The following ACSF3 variants were observed in gnomAD, a reference collection of about 807,000 sequenced individuals.
ACSF3 encodes the protein malonate--CoA ligase ACSF3, mitochondrial.
A neutral mutation model predicts 53.2 loss-of-function variants in ACSF3; 78 were observed. The observed-to-expected ratio is 1.47, with a 90% CI of 1.22 to 1.77. ACSF3 has a LOEUF of 1.77. Among genes scored for constraint, ACSF3 ranks in the 40% most tolerant of loss-of-function variants. The probability of loss-of-function intolerance (pLI) is 0.00; values close to 1 mark genes in which losing one functional copy is unlikely to be tolerated. For synonymous variants in ACSF3, 414 were observed against 333.1 expected (o/e 1.24, Z -2.65); for missense variants, 937 against 771.1 (o/e 1.22, Z -2.55).
intron 8 of ACSF3, among the ~76,000 whole-genome samples, chr16:89,143,183 T>C (rs1179254455): frequency 6.6e-6 from 1 of 152,188 alleles, no homozygotes; most frequent in Admixed American, 6.5e-5. Context: ...GTAACGGTGG[T>C]ACATCCTCAG....
At chr16:89,145,618 C>G (rs1912779242) in intron 9 of ACSF3, among the ~76,000 whole-genome samples, 1 of 152,242 alleles carries the variant, frequency 6.6e-6, no homozygotes, top group Admixed American at 6.5e-5. Context: ...CCCACCAGAG[C>G]TCCCAGGCCT....
At chr16:89,098,865 A>T (rs1974931723) in intron 2 of ACSF3, 102 bp downstream of exon 2, 4 of 443,638 alleles carry the variant, frequency 9.0e-6, no homozygotes, top group Non-Finnish European at 1.8e-5. Flanking sequence ...GCTGAGATGA[A>T]ACCTAACCTA....
At chr16:89,107,620 T>A (rs750989266) in intron 4 of ACSF3, among the ~76,000 whole-genome samples, 1 of 152,212 alleles carries the variant, frequency 6.6e-6, no homozygotes, top group Non-Finnish European at 1.5e-5. Context: ...TCCATTCTGC[T>A]CTTGAAGGAC....
intron 10 of ACSF3, chr16:89,151,843 G>C (rs1354285021): frequency 6.6e-6 from 1 of 152,258 alleles, no homozygotes; most frequent in Non-Finnish European, 1.5e-5. Flanking sequence ...CTGACTTCAA[G>C]TAATCCTCCC....
At chr16:89,101,684 T>C (rs2151411967) in intron 3 of ACSF3, among the ~76,000 whole-genome samples, 1 of 152,350 alleles carries the variant, frequency 6.6e-6, no homozygotes, top group South Asian at 2.1e-4. Context: ...TTAGGATGCG[T>C]GGTCAGGACC....
intron 1 of ACSF3, among the ~76,000 whole-genome samples, chr16:89,096,222 G>C (rs961091610): frequency 6.7e-5 from 7 of 104,658 alleles, no homozygotes; most frequent in Non-Finnish European, 2.2e-5. Context: ...TGCGTAGCAG[G>C]GGTATGAAGC....
At position 89,100,346 on chromosome 16, in the gene ACSF3, T is replaced by C. The variant is rs565716178; in HGVS notation, c.-20-316T>C. Reference sequence around the variant, plus strand: ...AGGATTCTAAAACCCATTATTCAGATGTACCTTAAGTGTGTTGAATTTTAT... The same window carrying C: ...AGGATTCTAAAACCCATTATTCAGACGTACCTTAAGTGTGTTGAATTTTAT... On this transcript the variant is annotated intron_variant, in intron 2 of 10. Transcript: ENST00000614302. 9.2e-5 allele frequency among the ~76,000 whole-genome samples: 14 copies of C among 152,360 alleles called. No homozygotes were observed. In the South Asian group the frequency reaches 2.3e-3, roughly 25 times the overall value.
At chr16:89,131,643 C>G (rs567179724) in intron 7 of ACSF3, among the ~76,000 whole-genome samples, 1 of 152,348 alleles carries the variant, frequency 6.6e-6, no homozygotes, top group East Asian at 1.9e-4. Context: ...GTTGGCTTAA[C>G]TCTACAAAGT....
intron 4 of ACSF3, among the ~76,000 whole-genome samples, chr16:89,104,826 C>G (rs947595654): frequency 2.0e-5 from 3 of 152,246 alleles, no homozygotes; most frequent in Non-Finnish European, 4.4e-5. Context: ...GAGGCAAGGT[C>G]TCACAAGAGA....
At chr16:89,115,611 G>A (rs931324873) in intron 6 of ACSF3, among the ~76,000 whole-genome samples, 20 of 152,376 alleles carry the variant, frequency 1.3e-4, no homozygotes, top group African/African-American at 3.8e-4. Context: ...CTGTGCGAAC[G>A]TGGTTTTTTA....
chr16:89,133,398 G>A, intron 8 of ACSF3, 136 bp downstream of exon 8: 1 of 1,230,320 alleles, frequency 8.1e-7, no homozygotes, highest in Non-Finnish European at 1.1e-6. Context: ...GTGGAGTGGG[G>A]CTGGGGGCCA....
rs116263971 is a variant in ACSF3 at position 89,132,141 on chromosome 16, A to G, written c.1240-995A>G. 4.6e-3 allele frequency among the ~76,000 whole-genome samples: 695 copies of G among 152,360 alleles called. 7 individuals are homozygous for G. Among genetic ancestry groups the G allele is most frequent in the African/African-American group, 0.016 (647 of 41,574 alleles). On this transcript the variant is annotated intron_variant, in intron 7 of 10. Transcript: ENST00000614302. ...GAGCGCCCTTTCTCCACATCAGATC[A>G]GTGTGTTCTGCTATTTCGCAGCTAC...
At chr16:89,123,136 G>A (rs1250850414) in intron 7 of ACSF3, among the ~76,000 whole-genome samples, 1 of 152,196 alleles carries the variant, frequency 6.6e-6, no homozygotes, top group Non-Finnish European at 1.5e-5. Context: ...GCAGCAGGTG[G>A]AGTACAGCTG....
rs73252022 is a variant in ACSF3 at position 89,101,807 on chromosome 16, C to T, written c.666+460C>T. On this transcript the variant is annotated intron_variant, in intron 3 of 10. Coordinates refer to ENST00000614302, the MANE Select transcript of ACSF3 (RefSeq NM_001243279.3). ...TGGCATTTGTACAGTGTCATAACGT[C>T]TCCTATGCACTTGAAGCAATCAAGT... 7.9e-3 allele frequency among the ~76,000 whole-genome samples: 1,206 copies of T among 152,352 alleles called. 21 individuals are homozygous for T. Among genetic ancestry groups the T allele is most frequent in the African/African-American group, 0.028 (1,152 of 41,566 alleles).
chr16:89,097,182 G>C (rs935121913), intron 1 of ACSF3, among the ~76,000 whole-genome samples: 1 of 152,090 alleles, frequency 6.6e-6, no homozygotes, highest in Admixed American at 6.5e-5. Flanking sequence ...TGTGCTCAGC[G>C]TGTGGTTACC....
rs778071871 is a variant in ACSF3 at position 89,155,365 on chromosome 16, C to T, written c.*1158C>T. 2.2e-6 allele frequency: 1 copy of T among 451,572 alleles called. No individual in the cohort carries two copies. Among genetic ancestry groups the T allele is most frequent in the South Asian group, 1.6e-5 (1 of 64,432 alleles). The allele number at this position is 451,572 out of a possible 1,614,324, so 28.0% of individuals were successfully genotyped here. On this transcript the variant is annotated 3_prime_UTR_variant, in exon 11 of 11. Transcript: ENST00000614302. Reference sequence around the variant, plus strand: ...CCATCTCAGGCTCACGTGCCTCTGACAGGAGACCAGCCCCATCTCAGGCTC... The same window carrying T: ...CCATCTCAGGCTCACGTGCCTCTGATAGGAGACCAGCCCCATCTCAGGCTC...
chr16:89,144,270 C>G (rs1052927155), intron 8 of ACSF3, among the ~76,000 whole-genome samples: 5 of 152,266 alleles, frequency 3.3e-5, no homozygotes, highest in Admixed American at 2.6e-4. Context: ...GCTTGGTTCC[C>G]ACAGGAGCTC....
intron 7 of ACSF3, among the ~76,000 whole-genome samples, chr16:89,131,503 A>AT (rs1399806078): frequency 4.6e-5 from 7 of 151,608 alleles, no homozygotes; most frequent in African/African-American, 1.5e-4. Flanking sequence ...ATGAGTTGCT[A>AT]TTTTTCTGGT....
intron 8 of ACSF3, among the ~76,000 whole-genome samples, chr16:89,135,687 G>C (rs542594665): frequency 6.6e-6 from 1 of 152,366 alleles, no homozygotes; most frequent in East Asian, 1.9e-4. Flanking sequence ...ACAGGAACCG[G>C]ACTTGAGCAG....
Sources: allele counts gnomAD v4.1 joint callset (sites outside exome capture counted in the v4.1 genomes callset), GRCh38; gene constraint gnomAD v4.1.1; transcripts MANE v1.5; gene names NCBI Gene and HGNC (gene_info 2026-07-23, HGNC 2026-07-21).